The following PITPNC1 variants were observed in gnomAD, a reference collection of about 807,000 sequenced individuals.
PITPNC1 encodes the protein cytoplasmic phosphatidylinositol transfer protein 1.
In PITPNC1, 18 loss-of-function variants were observed where a neutral mutation model predicts 44.7. The observed-to-expected ratio is 0.40, with a 90% confidence interval of 0.28 to 0.60. The LOEUF is 0.60. PITPNC1 is among the 20% of genes least tolerant of loss of function. PITPNC1 has a pLI of 0.39. For missense variants in PITPNC1, 290 were observed against 418.4 expected (o/e 0.69, Z 2.68); for synonymous variants, 141 against 149.6 (o/e 0.94, Z 0.42).
chr17:67,471,367 G>A lies in PITPNC1; in HGVS notation c.49-61435G>A, dbSNP rs924251823. 8 of 269,618 alleles carry A rather than the reference G, an allele frequency of 3.0e-5. No individual in the cohort carries two copies. The East Asian group carries it at 1.3e-3, about 43-fold the overall frequency. 16.7% of individuals were successfully genotyped at this position (269,618 alleles called of 1,614,324 possible). A position where few individuals can be genotyped will look rare whatever the true frequency, so the allele number is the denominator to read the frequency against. ...CTGTTTATTCATTTACCAGTTGATG[G>A]ACATTTGGGTTACTTCCAGTTTTGG... is the stretch of plus-strand genomic sequence containing the variant. On this transcript the variant is annotated intron_variant, in intron 1 of 8. Coordinates refer to ENST00000581322, the MANE Select transcript of PITPNC1 (RefSeq NM_012417.4).
At chr17:67,435,067 C>A (rs1477878235) in intron 1 of PITPNC1, among the ~76,000 whole-genome samples, 24 of 148,060 alleles carry the variant, frequency 1.6e-4, no homozygotes, top group African/African-American at 6.0e-4. Context: ...TGAGATCACG[C>A]CACTGCACTC....
At chr17:67,605,452 G>T (rs1344152209) in intron 5 of PITPNC1, among the ~76,000 whole-genome samples, 1 of 152,170 alleles carries the variant, frequency 6.6e-6, no homozygotes, top group Non-Finnish European at 1.5e-5. Context: ...TCCGGCCTGT[G>T]GCGAGTCCTC....
intron 6 of PITPNC1, among the ~76,000 whole-genome samples, chr17:67,647,896 A>G (rs1490614392): frequency 6.6e-6 from 1 of 152,180 alleles, no homozygotes; most frequent in East Asian, 1.9e-4. Context: ...ACAGTGAAAT[A>G]CATTGTATCA....
intron 5 of PITPNC1, among the ~76,000 whole-genome samples, chr17:67,582,406 C>A (rs2041247502): frequency 6.6e-6 from 1 of 152,168 alleles, no homozygotes; most frequent in African/African-American, 2.4e-5. Context: ...CTGCTATCTG[C>A]ACTGTTTCCT....
At chr17:67,392,289 C>A (rs973512891) in intron 1 of PITPNC1, among the ~76,000 whole-genome samples, 3 of 152,186 alleles carry the variant, frequency 2.0e-5, no homozygotes, top group African/African-American at 2.4e-5. Flanking sequence ...CCCTTCCATC[C>A]AAGATGGCTG....
intron 8 of PITPNC1, among the ~76,000 whole-genome samples, chr17:67,683,445 T>G (rs1001934250): frequency 6.6e-5 from 10 of 152,196 alleles, no homozygotes; most frequent in Non-Finnish European, 5.9e-5. Flanking sequence ...TTGATTAGGA[T>G]TTCCATAAAT....
chr17:67,570,010 G>C (rs2144210914), intron 4 of PITPNC1, among the ~76,000 whole-genome samples: 1 of 152,250 alleles, frequency 6.6e-6, no homozygotes, highest in Non-Finnish European at 1.5e-5. Context: ...TTTCCCCCAG[G>C]CTCCAGGGAC....
At chr17:67,424,589 G>A (rs569155393) in intron 1 of PITPNC1, among the ~76,000 whole-genome samples, 82 of 152,132 alleles carry the variant, frequency 5.4e-4, no homozygotes, top group African/African-American at 1.9e-3. Context: ...CCTGGGAGGC[G>A]AAGGTTGCAG....
chr17:67,653,463 C>T (rs1434836217), intron 6 of PITPNC1, among the ~76,000 whole-genome samples: 1 of 152,166 alleles, frequency 6.6e-6, no homozygotes, highest in Non-Finnish European at 1.5e-5. Flanking sequence ...GATGACACCT[C>T]GATTTGGGGC....
At chr17:67,514,079 A>G (rs550859099) in intron 1 of PITPNC1, among the ~76,000 whole-genome samples, 3 of 151,806 alleles carry the variant, frequency 2.0e-5, no homozygotes, top group African/African-American at 7.3e-5. Flanking sequence ...GAAGATACGG[A>G]GCTTGTTCAC....
intron 5 of PITPNC1, among the ~76,000 whole-genome samples, chr17:67,605,860 A>C (rs2041601505): frequency 6.6e-6 from 1 of 152,230 alleles, no homozygotes. Flanking sequence ...AGAGCATCGT[A>C]CTGAGTATTA....
At chr17:67,380,004 G>A (rs572978380) in intron 1 of PITPNC1, among the ~76,000 whole-genome samples, 3 of 151,888 alleles carry the variant, frequency 2.0e-5, no homozygotes, top group South Asian at 4.2e-4. Context: ...CAGGTATACC[G>A]TGGGGTAATT....
chr17:67,618,622 G>GC (rs1401499451), intron 5 of PITPNC1, among the ~76,000 whole-genome samples: 2 of 151,686 alleles, frequency 1.3e-5, no homozygotes, highest in Non-Finnish European at 1.5e-5. Flanking sequence ...GTGTTGGCCA[G>GC]CCCCCCATAA....
intron 8 of PITPNC1, 49 bp downstream of exon 8, chr17:67,675,591 C>A: frequency 7.7e-7 from 1 of 1,294,502 alleles, no homozygotes; most frequent in Non-Finnish European, 1.1e-6. Flanking sequence ...CATGTTGTCT[C>A]GGGCTTTCTG....
chr17:67,577,467 A>T (rs181575879), intron 4 of PITPNC1, among the ~76,000 whole-genome samples: 1 of 151,638 alleles, frequency 6.6e-6, no homozygotes. Context: ...AGGCTAAGGC[A>T]TGAGAATCAC....
intron 6 of PITPNC1, among the ~76,000 whole-genome samples, chr17:67,655,375 G>A (rs1351293397): frequency 9.2e-5 from 14 of 151,602 alleles, no homozygotes; most frequent in Non-Finnish European, 4.4e-5. Context: ...TGGCTAACAC[G>A]GTGAAACCCC....
chr17:67,594,197 C>G (rs1342878489), intron 5 of PITPNC1, among the ~76,000 whole-genome samples: 6 of 152,084 alleles, frequency 3.9e-5, no homozygotes, highest in Non-Finnish European at 8.8e-5. Context: ...CTGTTCTGAA[C>G]TTCCCCAGCT....
chr17:67,475,311 T>A (rs2039610601), intron 1 of PITPNC1, among the ~76,000 whole-genome samples: 1 of 152,122 alleles, frequency 6.6e-6, no homozygotes, highest in African/African-American at 2.4e-5. Flanking sequence ...ATAGGTTAAT[T>A]TCTGAAAGCC....
intron 1 of PITPNC1, among the ~76,000 whole-genome samples, chr17:67,509,490 T>C (rs995349412): frequency 6.6e-6 from 1 of 151,660 alleles, no homozygotes; most frequent in African/African-American, 2.4e-5. Context: ...TGAGCCGAGA[T>C]TGCACCACCA....
Sources: allele counts gnomAD v4.1 joint callset (sites outside exome capture counted in the v4.1 genomes callset), GRCh38; gene constraint gnomAD v4.1.1; transcripts MANE v1.5; gene names NCBI Gene and HGNC (gene_info 2026-07-23, HGNC 2026-07-21).